Variants in XYLT1 observed in about 807,000 individuals in gnomAD.
XYLT1 encodes xylosyltransferase 1.
A neutral mutation model predicts 91.3 loss-of-function variants in XYLT1; 36 were observed. That is an observed-to-expected ratio of 0.39 (90% CI 0.30 to 0.52). The LOEUF is 0.52. Ranked by LOEUF, XYLT1 falls within the 20% of genes least tolerant of loss-of-function variation. The pLI is 0.68. For missense variants in XYLT1, 1,242 were observed against 1,284.5 expected (o/e 0.97, Z 0.51); for synonymous variants, 588 against 532.0 (o/e 1.11, Z -1.45).
rs141717010 is a variant in XYLT1, at chr16:17,102,519, T to TTTG, written c.*6173_*6175dup. The TTTG allele has an allele frequency of 4.6e-5, 7 of 152,624 alleles. No homozygotes were observed. The East Asian group carries it at 7.7e-4, about 17-fold the overall frequency. The allele number at this position is 152,624 out of a possible 1,614,324, so 9.5% of individuals were successfully genotyped here. ...CAAAAAAATACAGCTAAGGCACAAT[T>TTTG]TTGTTGTTGTTGTTGTTCTGCAAAA... On this transcript the variant is annotated 3_prime_UTR_variant, in exon 12 of 12. Transcript: ENST00000261381.
intron 2 of XYLT1, chr16:17,355,038 A>G (rs968088215): frequency 6.6e-6 from 1 of 152,520 alleles, no homozygotes; most frequent in Non-Finnish European, 1.5e-5. Flanking sequence ...CTGATGGAGC[A>G]TCGTTTGCAG....
intron 5 of XYLT1, among the ~76,000 whole-genome samples, chr16:17,190,180 G>A (rs2032276801): frequency 6.6e-6 from 1 of 152,150 alleles, no homozygotes; most frequent in Non-Finnish European, 1.5e-5. Flanking sequence ...TTTTCTTTTG[G>A]GATGATGAAA....
rs561482376 is a variant in XYLT1 at position 17,247,521 on chromosome 16, C to T, written c.913+11467G>A. Among the ~76,000 whole-genome samples, 10 of 152,230 alleles carry T rather than the reference C, an allele frequency of 6.6e-5. No individual in the cohort carries two copies. The South Asian group carries it at 8.3e-4, about 13-fold the overall frequency. On this transcript the variant is annotated intron_variant, in intron 3 of 11. Coordinates refer to ENST00000261381, the MANE Select transcript of XYLT1 (RefSeq NM_022166.4). ...CTTGGTAAATATTTGCTGGCTAGAC[C>T]GATGGATTAATGAAAGTACACTCAA... is the stretch of plus-strand genomic sequence containing the variant.
chr16:17,357,246 A>G (rs911151700), intron 2 of XYLT1, among the ~76,000 whole-genome samples: 7 of 151,462 alleles, frequency 4.6e-5, no homozygotes, highest in African/African-American at 1.7e-4. Flanking sequence ...CTTTATAAAC[A>G]TCATTTCCTG....
chr16:17,379,755 TC>T (rs1567401420), intron 1 of XYLT1, among the ~76,000 whole-genome samples: 1,688 of 130,342 alleles, frequency 0.013, 36 homozygotes, highest in African/African-American at 0.053. Flanking sequence ...TCTCTCTCTC[TC>T]TCTCTCTCAC....
chr16:17,141,518 A>G (rs2030975030), intron 6 of XYLT1, 149 bp from the exon 7 acceptor site: 4 of 754,428 alleles, frequency 5.3e-6, no homozygotes, highest in Non-Finnish European at 8.4e-6. Flanking sequence ...CTCTGCGTGG[A>G]GTTTATCACT....
intron 1 of XYLT1, among the ~76,000 whole-genome samples, chr16:17,391,901 T>C (rs1294770721): frequency 6.6e-6 from 1 of 152,222 alleles, no homozygotes; most frequent in African/African-American, 2.4e-5. Flanking sequence ...GTTGCCTGCC[T>C]CTACGTAAGA....
chr16:17,323,347 G>T (rs944094170), intron 2 of XYLT1, among the ~76,000 whole-genome samples: 1 of 152,200 alleles, frequency 6.6e-6, no homozygotes, highest in East Asian at 1.9e-4. Flanking sequence ...GAACAATGCG[G>T]TTTTTGGCAT....
At chr16:17,264,387 T>A (rs560443912) in intron 2 of XYLT1, among the ~76,000 whole-genome samples, 2 of 152,370 alleles carry the variant, frequency 1.3e-5, no homozygotes, top group East Asian at 3.9e-4. Flanking sequence ...AGTTCATCCA[T>A]GTTGCTGTAT....
chr16:17,371,277 T>C (rs2035528872), intron 1 of XYLT1, among the ~76,000 whole-genome samples: 1 of 152,208 alleles, frequency 6.6e-6, no homozygotes. Flanking sequence ...TCTTCTTTGT[T>C]TTTATGCTTA....
chr16:17,251,630 C>A (rs892252326), intron 3 of XYLT1, among the ~76,000 whole-genome samples: 1 of 152,178 alleles, frequency 6.6e-6, no homozygotes, highest in African/African-American at 2.4e-5. Flanking sequence ...GGCCACTGCA[C>A]GGAGGGCGCT....
chr16:17,259,056 TC>T lies in XYLT1; in HGVS notation c.844del (p.Glu282ArgfsTer8). ...KSKHCRQEIG[E>X]TYCRHKLGLL... Reference sequence around the variant, plus strand: ...CCCTAACTTGTGGCGGCAGTAAGTCTCCCCAATCTCCTGGCGGCAGTGCTTG... The same window carrying T: ...CCCTAACTTGTGGCGGCAGTAAGTCTCCCAATCTCCTGGCGGCAGTGCTTG... On this transcript the variant is annotated frameshift_variant, in exon 3 of 12. Transcript: ENST00000261381. LOFTEE classifies it high-confidence loss of function. 6.6e-7 allele frequency: 1 copy of T among 1,518,078 alleles called. No individual in the cohort carries two copies. The allele number at this position is 1,518,078 out of a possible 1,614,324, so 94.0% of individuals were successfully genotyped here. A position where few individuals can be genotyped will look rare whatever the true frequency, so the allele number is the denominator to read the frequency against.
At chr16:17,199,669 C>A (rs888825500) in intron 4 of XYLT1, among the ~76,000 whole-genome samples, 1 of 152,160 alleles carries the variant, frequency 6.6e-6, no homozygotes, top group African/African-American at 2.4e-5. Flanking sequence ...TGGTTTTACA[C>A]CGGGAAACTT....
chr16:17,421,085 G>A (rs1233217666), intron 1 of XYLT1, among the ~76,000 whole-genome samples: 1 of 152,138 alleles, frequency 6.6e-6, no homozygotes, highest in Non-Finnish European at 1.5e-5. Flanking sequence ...CCGCCAGCTT[G>A]TTTACCTTAT....
intron 2 of XYLT1, among the ~76,000 whole-genome samples, chr16:17,348,902 C>T (rs80094791): frequency 0.099 from 15,021 of 152,270 alleles, 823 homozygotes; most frequent in Middle Eastern, 0.12. Flanking sequence ...GATCTTGGTG[C>T]GTGTGCTATT....
chr16:17,257,821 C>T (rs924979750), intron 3 of XYLT1, among the ~76,000 whole-genome samples: 11 of 152,208 alleles, frequency 7.2e-5, no homozygotes, highest in Admixed American at 4.6e-4. Context: ...ATGTGATAAA[C>T]AAATTGACTG....
chr16:17,470,702 A>G lies in XYLT1; in HGVS notation c.95T>C (p.Val32Ala). The G allele has an allele frequency of 8.6e-7, 1 of 1,162,844 alleles. No individual in the cohort carries two copies. Among genetic ancestry groups the G allele is most frequent in the Non-Finnish European group, 1.1e-6 (1 of 925,026 alleles). The allele number at this position is 1,162,844 out of a possible 1,614,324, so 72.0% of individuals were successfully genotyped here. ...GGAGTCGAGGCTGCTGAAATTCCAC[A>G]CGACCAGCGTCTGCAGCAGCAGCAC... ...LTVLLLQTLV[V>A]WNFSSLDSGA... The change falls in exon 1 of 12, where the codon GTG (valine) becomes GCG (alanine). Residue 32 changes from valine to alanine, a missense_variant. Coordinates refer to ENST00000261381, the MANE Select transcript of XYLT1 (RefSeq NM_022166.4).
chr16:17,410,438 G>C (rs535544619), intron 1 of XYLT1, among the ~76,000 whole-genome samples: 39 of 152,300 alleles, frequency 2.6e-4, no homozygotes, highest in African/African-American at 8.7e-4. Flanking sequence ...CAAGGGAAGA[G>C]AGAGCTTGTG....
At chr16:17,467,666 G>A (rs1227948034) in intron 1 of XYLT1, among the ~76,000 whole-genome samples, 4 of 152,096 alleles carry the variant, frequency 2.6e-5, no homozygotes, top group Admixed American at 1.3e-4. Flanking sequence ...GCCTTCCACC[G>A]AAGCGCAGCT....
Sources: gnomAD v4.1 joint callset for allele counts (sites outside exome capture counted in the v4.1 genomes callset) on GRCh38, gnomAD v4.1.1 for gene constraint, MANE v1.5 for transcripts, NCBI Gene and HGNC (gene_info 2026-07-23, HGNC 2026-07-21) for gene names.